NUP85: variants seen among roughly 807,000 people sequenced by gnomAD.
NUP85 encodes nucleoporin 85.
In NUP85, 23 loss-of-function variants were observed where a neutral mutation model predicts 92.8. That is an observed-to-expected ratio of 0.25 (90% CI 0.18 to 0.35). The LOEUF is 0.35. Ranked by LOEUF, NUP85 falls within the 10% of genes least tolerant of loss-of-function variation. The pLI, the probability that NUP85 is intolerant of heterozygous loss-of-function variation, is 1.00. For missense variants in NUP85, 759 were observed against 822.8 expected (o/e 0.92, Z 0.95); for synonymous variants, 314 against 306.9 (o/e 1.02, Z -0.24).
rs1302886134 is a variant in NUP85, at chr17:75,205,718, G to T, written c.-44G>T. 1.2e-6 allele frequency: 2 copies of T among 1,613,488 alleles called. No homozygotes were observed. Among genetic ancestry groups the T allele is most frequent in the South Asian group, 1.1e-5 (1 of 91,080 alleles). ...TCTGAGCGGGAGGCCTGAGCGGGAA[G>T]CATTGGCGTCCGAGCGACTTCTAGG... On this transcript the variant is annotated 5_prime_UTR_variant, in exon 1 of 19. Coordinates refer to ENST00000245544, the MANE Select transcript of NUP85 (RefSeq NM_024844.5).
In NUP85 at chr17:75,205,720, A is replaced by G. The variant is rs755382511; in HGVS notation, c.-42A>G. 15 of 1,613,646 alleles carry G rather than the reference A, an allele frequency of 9.3e-6. No homozygotes were observed. In the East Asian group the frequency reaches 2.2e-4, roughly 24 times the overall value. On this transcript the variant is annotated 5_prime_UTR_variant, in exon 1 of 19. Coordinates refer to ENST00000245544, the MANE Select transcript of NUP85 (RefSeq NM_024844.5). ...TGAGCGGGAGGCCTGAGCGGGAAGCATTGGCGTCCGAGCGACTTCTAGGAG... is the reference window on the plus strand; with the variant it reads ...TGAGCGGGAGGCCTGAGCGGGAAGCGTTGGCGTCCGAGCGACTTCTAGGAG...
intron 7 of NUP85, among the ~76,000 whole-genome samples, chr17:75,224,727 G>C (rs2075715119): frequency 1.3e-5 from 2 of 151,788 alleles, no homozygotes; most frequent in South Asian, 4.1e-4. Context: ...AGCTACTCGG[G>C]AGGTTGAGAC....
intron 4 of NUP85, 22 bp downstream of exon 4, chr17:75,212,084 G>GCA (rs558014151): frequency 2.8e-6 from 4 of 1,439,484 alleles, no homozygotes; most frequent in South Asian, 1.2e-5. Flanking sequence ...GTGCGCGTGC[G>GCA]CGCGTGTGTG....
chr17:75,224,644 C>T (rs1336729175), intron 7 of NUP85, among the ~76,000 whole-genome samples: 1 of 151,930 alleles, frequency 6.6e-6, no homozygotes, highest in Non-Finnish European at 1.5e-5. Flanking sequence ...CCAGCCTGGC[C>T]AATATGGTGA....
chr17:75,213,677 G>A (rs148941994), intron 5 of NUP85, among the ~76,000 whole-genome samples: 30 of 152,140 alleles, frequency 2.0e-4, no homozygotes, highest in African/African-American at 7.0e-4. Flanking sequence ...GTAATCTTGT[G>A]AGATCACTGC....
At chr17:75,234,855 G>C (rs1419032904) in intron 17 of NUP85, 67 bp downstream of exon 17, 2 of 1,572,824 alleles carry the variant, frequency 1.3e-6, no homozygotes, top group African/African-American at 1.3e-5. Flanking sequence ...TTGTATAGCT[G>C]TTGCCGATGT....
At chr17:75,234,105 G>A (rs573139056) in intron 16 of NUP85, among the ~76,000 whole-genome samples, 2 of 148,666 alleles carry the variant, frequency 1.3e-5, no homozygotes, top group South Asian at 4.2e-4. Flanking sequence ...ACGCTGGAGT[G>A]CAGTGGTACA....
intron 7 of NUP85, among the ~76,000 whole-genome samples, chr17:75,222,344 C>T (rs947380143): frequency 3.9e-5 from 6 of 151,988 alleles, no homozygotes; most frequent in South Asian, 2.1e-4. Context: ...CATGCCTGTC[C>T]GACATGTTAC....
In NUP85 at chr17:75,231,339, G is replaced by C; in HGVS notation, c.1095-1G>C. 1.2e-6 allele frequency: 2 copies of C among 1,614,206 alleles called. No homozygotes were observed. The highest frequency in any genetic ancestry group is 1.7e-6 in the Non-Finnish European group (2 of 1,180,048). ...TCTTGCCTTGGTGTCTGAATCTGCA[G>C]CATCGCCCTGAGCAACTGGTGGTTT... On this transcript the variant is annotated splice_acceptor_variant, in intron 11 of 18. Coordinates refer to ENST00000245544, the MANE Select transcript of NUP85 (RefSeq NM_024844.5). LOFTEE classifies it high-confidence loss of function. This position sits in a 1 kb window ranked among gnomAD's most constrained non-coding sequence, Gnocchi z 4.6.
Position 75,225,083 on chromosome 17 carries a change from G to T in NUP85, c.598-20G>T. ...GGCCAGGCCTCCTGCCAATGCTTAT[G>T]GGCCCGGATCTCCTCCCAGGTGACC... is the stretch of plus-strand genomic sequence containing the variant. On this transcript the variant is annotated intron_variant, in intron 7 of 18. Transcript: ENST00000245544. The T allele has an allele frequency of 1.3e-6, 2 of 1,523,700 alleles. No homozygotes were observed. The highest frequency in any genetic ancestry group is 2.6e-5 in the South Asian group (2 of 76,754). 94.4% of individuals were successfully genotyped at this position (1,523,700 alleles called of 1,614,324 possible).
At chr17:75,215,963 A>T in intron 6 of NUP85, 140 bp downstream of exon 6, 2 of 761,646 alleles carry the variant, frequency 2.6e-6, no homozygotes, top group Non-Finnish European at 4.2e-6. Flanking sequence ...GGAAGTCGTT[A>T]GAAAACACCC....
rs2076045400 is a variant in NUP85, at chr17:75,231,230, C to T, written c.1095-110C>T. ...GGGCATGAGCTATCATCACGCCCGG[C>T]CCCATCTCTTTGAGGGACAGGACAT... On this transcript the variant is annotated intron_variant, in intron 11 of 18. Coordinates refer to ENST00000245544, the MANE Select transcript of NUP85 (RefSeq NM_024844.5). This position sits in a 1 kb window ranked among gnomAD's most constrained non-coding sequence, Gnocchi z 4.6. 1 of 1,016,592 alleles carries T rather than the reference C, an allele frequency of 9.8e-7. No homozygotes were observed. The highest frequency in any genetic ancestry group is 1.6e-5 in the African/African-American group (1 of 63,664). The allele number at this position is 1,016,592 out of a possible 1,614,324, so 63.0% of individuals were successfully genotyped here. A position where few individuals can be genotyped will look rare whatever the true frequency, so the allele number is the denominator to read the frequency against.
Position 75,231,856 on chromosome 17 carries a change from G to T in NUP85, c.1273G>T (p.Asp425Tyr). 6.2e-7 allele frequency: 1 copy of T among 1,614,144 alleles called. No individual in the cohort carries two copies. Among genetic ancestry groups the T allele is most frequent in the Non-Finnish European group, 8.5e-7 (1 of 1,180,004 alleles). The change falls in exon 14 of 19, where the codon GAT (aspartate) becomes TAT (tyrosine). Residue 425 changes from aspartate to tyrosine, a missense_variant. Asp to Tyr is a radical substitution (Grantham distance 160, BLOSUM62 -3). Coordinates refer to ENST00000245544, the MANE Select transcript of NUP85 (RefSeq NM_024844.5). This position sits in a 1 kb window ranked among gnomAD's most constrained non-coding sequence, Gnocchi z 4.6. ...SLWQLGVDYF[D>Y]YCPELGRVSL... Reference sequence around the variant, plus strand: ...GTGGCAGCTGGGGGTCGATTACTTTGATTACTGCCCCGAGCTGGGCCGAGT... The same window carrying T: ...GTGGCAGCTGGGGGTCGATTACTTTTATTACTGCCCCGAGCTGGGCCGAGT...
intron 7 of NUP85, among the ~76,000 whole-genome samples, chr17:75,221,462 C>T (rs1382117570): frequency 1.3e-5 from 2 of 151,844 alleles, no homozygotes; most frequent in African/African-American, 4.8e-5. Flanking sequence ...TTTTGAACTC[C>T]TGGCCTCAAG....
intron 18 of NUP85, 48 bp from the exon 19 acceptor site, chr17:75,235,530 A>G: frequency 7.2e-7 from 1 of 1,396,392 alleles, no homozygotes; most frequent in Non-Finnish European, 1.0e-6. Flanking sequence ...GGAGTGTGAA[A>G]GGGCTCCTTC....
In NUP85 at chr17:75,234,713, G is replaced by A. The variant is rs1226617321; in HGVS notation, c.1692G>A (p.Met564Ile). The A allele has an allele frequency of 6.8e-6, 11 of 1,614,242 alleles. No individual in the cohort carries two copies. The highest frequency in any genetic ancestry group is 8.5e-6 in the Non-Finnish European group (10 of 1,180,034). The change falls in exon 17 of 19, where the codon ATG (methionine) becomes ATA (isoleucine). Residue 564 changes from methionine (M) to isoleucine (I), a missense_variant. By Grantham distance (10) the Met-to-Ile change is conservative. Transcript: ENST00000245544. ...CAGCTTCTCTCCTTCTGTCCTTGAT[G>A]ACGTCTCGGATTGCCCCTCGGTCTT... is the stretch of plus-strand genomic sequence containing the variant. ...ADAASLLLSL[M>I]TSRIAPRSFW...
intron 1 of NUP85, among the ~76,000 whole-genome samples, chr17:75,207,430 C>T (rs1222931318): frequency 6.6e-6 from 1 of 151,938 alleles, no homozygotes; most frequent in Non-Finnish European, 1.5e-5. Flanking sequence ...GGTGATCTGC[C>T]GGCCTCAGTC....
In NUP85 at chr17:75,233,064, C is replaced by T. The variant is rs770800551; in HGVS notation, c.1521C>T (p.Leu507=). The part of the protein sequence containing the change: ...AFATLVSDRF[L]RDYCERGCFS... ...TCTGGGCCGGGCCCTGCAGGTTCCT[C>T]AGGGATTACTGTGAGCGAGGCTGCT... Residue 507 remains leucine, a synonymous_variant, in exon 16 of 19, where the codon CTC becomes CTT. Transcript: ENST00000245544. 2.5e-6 allele frequency: 4 copies of T among 1,614,150 alleles called. No homozygotes were observed. Among genetic ancestry groups the T allele is most frequent in the African/African-American group, 1.3e-5 (1 of 75,034 alleles).
In NUP85 at chr17:75,233,074, T is replaced by A. The variant is rs768682043; in HGVS notation, c.1531T>A (p.Cys511Ser). Reference sequence around the variant, plus strand: ...GCCCTGCAGGTTCCTCAGGGATTACTGTGAGCGAGGCTGCTTTTCTGATTT... The same window carrying A: ...GCCCTGCAGGTTCCTCAGGGATTACAGTGAGCGAGGCTGCTTTTCTGATTT... ...LVSDRFLRDY[C>S]ERGCFSDLDL... is the part of the protein sequence containing the mutation. The change falls in exon 16 of 19, where the codon TGT becomes AGT. Residue 511 changes from cysteine to serine, a missense_variant. Physicochemically the swap from Cys to Ser is moderately radical, Grantham distance 112 (BLOSUM62 -1). Coordinates refer to ENST00000245544, the MANE Select transcript of NUP85 (RefSeq NM_024844.5). 2 of 1,614,204 alleles carry A rather than the reference T, an allele frequency of 1.2e-6. No homozygotes were observed. Among genetic ancestry groups the A allele is most frequent in the Non-Finnish European group, 1.7e-6 (2 of 1,180,032 alleles).
Sources: allele counts gnomAD v4.1 joint callset (sites outside exome capture counted in the v4.1 genomes callset), GRCh38; gene constraint gnomAD v4.1.1; non-coding constraint Gnocchi (gnomAD v3.1); transcripts MANE v1.5; gene names NCBI Gene and HGNC (gene_info 2026-07-23, HGNC 2026-07-21).